KLC3: variants seen among roughly 807,000 people sequenced by gnomAD.
KLC3 encodes kinesin light chain 3.
Under a neutral mutation model 62.9 loss-of-function variants are expected in KLC3, and 72 were observed. That is an observed-to-expected ratio of 1.15 (90% CI 0.95 to 1.39). KLC3 has a LOEUF of 1.39. Ranked by LOEUF, KLC3 falls within the 40% of genes most tolerant of loss-of-function variation. The pLI, the probability that KLC3 is intolerant of heterozygous loss-of-function variation, is 0.00. For missense variants in KLC3, 848 were observed against 691.6 expected (o/e 1.23, Z -2.54); for synonymous variants, 377 against 300.5 (o/e 1.25, Z -2.63).
chr19:45,349,740 C>T (rs1304493555), intron 8 of KLC3, 138 bp downstream of exon 8: 1 of 797,444 alleles, frequency 1.3e-6, no homozygotes, highest in Non-Finnish European at 1.9e-6. Flanking sequence ...AAGTGTCAGA[C>T]ACAGGAGCTG....
At chr19:45,351,223 G>C in intron 12 of KLC3, 63 bp from the exon 13 acceptor site, 2 of 1,591,786 alleles carry the variant, frequency 1.3e-6, no homozygotes, top group Non-Finnish European at 1.7e-6. Context: ...ACCTGGAGCT[G>C]GAGGGTGGAT....
chr19:45,347,884 C>A lies in KLC3; in HGVS notation c.560-57C>A. Reference sequence around the variant, plus strand: ...GTTCTGAGGCACGTGTCCCCTCATGCGAGGCTGGAGGGGCAGGAGGCTTGC... The same window carrying A: ...GTTCTGAGGCACGTGTCCCCTCATGAGAGGCTGGAGGGGCAGGAGGCTTGC... On this transcript the variant is annotated intron_variant, in intron 4 of 12. Coordinates refer to ENST00000391946, the MANE Select transcript of KLC3 (RefSeq NM_177417.3). 2.8e-6 allele frequency: 4 copies of A among 1,426,306 alleles called. No homozygotes were observed. The East Asian group carries it at 7.4e-5, about 26-fold the overall frequency. 88.4% of individuals were successfully genotyped at this position (1,426,306 alleles called of 1,614,324 possible).
At chr19:45,349,665 T>G (rs1286288501) in intron 8 of KLC3, 63 bp downstream of exon 8, 126 of 1,172,426 alleles carry the variant, frequency 1.1e-4, no homozygotes, top group East Asian at 2.5e-5. Context: ...GAGGCACCCA[T>G]TGGTTGGATA....
chr19:45,341,235 A>T (rs891082844), intron 1 of KLC3, among the ~76,000 whole-genome samples: 28 of 146,786 alleles, frequency 1.9e-4, no homozygotes, highest in African/African-American at 3.3e-4. Flanking sequence ...TGTGTAAGAG[A>T]GTGTGTCAGG....
In KLC3 at chr19:45,347,437, GTC is replaced by G. The variant is rs1291773614; in HGVS notation, c.490-6_490-5del. ...CACCACCCCGGCCCCCCACTTTCCTGTCTCTGCAGCAGTCTGAGTCCCCGCCT... is the reference window on the plus strand; with the variant it reads ...CACCACCCCGGCCCCCCACTTTCCTGTCTGCAGCAGTCTGAGTCCCCGCCT... On this transcript the variant is annotated splice_region_variant and splice_polypyrimidine_tract_variant and intron_variant, in intron 3 of 12. Transcript: ENST00000391946. 6.2e-7 allele frequency: 1 copy of G among 1,606,022 alleles called. No individual in the cohort carries two copies. Among genetic ancestry groups the G allele is most frequent in the Non-Finnish European group, 8.5e-7 (1 of 1,176,224 alleles).
chr19:45,350,553 T>G lies in KLC3; in HGVS notation c.1272+2T>G. On this transcript the variant is annotated splice_donor_variant, in intron 10 of 12. Coordinates refer to ENST00000391946, the MANE Select transcript of KLC3 (RefSeq NM_177417.3). LOFTEE classifies it high-confidence loss of function. ...GGCACAGCTGGTGACGCAGAACAGG[T>G]GAGGATGGGCTGTGCTTCGGCTCCT... is the stretch of plus-strand genomic sequence containing the variant. The G allele has an allele frequency of 1.2e-6, 2 of 1,612,792 alleles. No individual in the cohort carries two copies. The highest frequency in any genetic ancestry group is 1.7e-6 in the Non-Finnish European group (2 of 1,179,676).
Position 45,351,518 on chromosome 19 carries a change from G to A in KLC3, c.*161G>A. On this transcript the variant is annotated 3_prime_UTR_variant, in exon 13 of 13. Transcript: ENST00000391946. The stretch of plus-strand genomic sequence containing the variant: ...GATTAAAGGCTGTGGACGTGACAGT[G>A]AGAAATGTCACCTGACTTCATAAGA... 1 of 1,600,662 alleles carries A rather than the reference G, an allele frequency of 6.2e-7. No individual in the cohort carries two copies. The highest frequency in any genetic ancestry group is 8.5e-7 in the Non-Finnish European group (1 of 1,178,080).
chr19:45,343,841 C>T (rs1343357472), intron 1 of KLC3, among the ~76,000 whole-genome samples: 1 of 80,522 alleles, frequency 1.2e-5, no homozygotes, highest in Non-Finnish European at 3.3e-5. Flanking sequence ...TTATGCTGTC[C>T]TTTCTTTCTT....
In KLC3 at chr19:45,350,650, C is replaced by G; in HGVS notation, c.1282C>G (p.Arg428Gly). 6.2e-7 allele frequency: 1 copy of G among 1,613,400 alleles called. No homozygotes were observed. Among genetic ancestry groups the G allele is most frequent in the Non-Finnish European group, 8.5e-7 (1 of 1,179,586 alleles). ...TAGDAEQALR[R>G]SSSLSKIRES... The stretch of plus-strand genomic sequence containing the variant: ...CCCGGCCCCTCCCCAGGCCCTTCGC[C>G]GCAGCAGCTCACTCTCCAAGATCCG... The change falls in exon 11 of 13, where the codon CGC becomes GGC. Residue 428 changes from arginine to glycine, a missense_variant. By Grantham distance (125) the Arg-to-Gly change is moderately radical. Transcript: ENST00000391946.
intron 3 of KLC3, 178 bp from the exon 4 acceptor site, chr19:45,347,269 G>A: frequency 1.8e-6 from 1 of 562,888 alleles, no homozygotes; most frequent in South Asian, 2.2e-5. Flanking sequence ...TTGAACCCAG[G>A]AGGTGGAGGT....
At chr19:45,347,896 G>A (rs769344451) in intron 4 of KLC3, 45 bp from the exon 5 acceptor site, 1 of 1,485,414 alleles carries the variant, frequency 6.7e-7, no homozygotes, top group Non-Finnish European at 9.2e-7. Context: ...AGGCTGGAGG[G>A]GCAGGAGGCT....
chr19:45,351,088 G>A (rs1248180119), intron 12 of KLC3, 71 bp downstream of exon 12: 1 of 1,612,374 alleles, frequency 6.2e-7, no homozygotes, highest in Non-Finnish European at 8.5e-7. Flanking sequence ...CAAAGGCAGG[G>A]CGGTCGGGCC....
Position 45,346,694 on chromosome 19 carries a change from G to T in KLC3, c.409G>T (p.Val137Leu). Reference sequence around the variant, plus strand: ...GCGGCTTCGGGCCAGCGAGGAGTCCGTGGCCCAGCTGGAGGAGGAGAAGCG... The same window carrying T: ...GCGGCTTCGGGCCAGCGAGGAGTCCTTGGCCCAGCTGGAGGAGGAGAAGCG... ...QRRLRASEES[V>L]AQLEEEKRHL... The change falls in exon 3 of 13, where the codon GTG (valine) becomes TTG (leucine). Residue 137 changes from valine to leucine, a missense_variant. Physicochemically the swap from Val to Leu is conservative, Grantham distance 32. Coordinates refer to ENST00000391946, the MANE Select transcript of KLC3 (RefSeq NM_177417.3). 3 of 1,570,048 alleles carry T rather than the reference G, an allele frequency of 1.9e-6. No individual in the cohort carries two copies. The highest frequency in any genetic ancestry group is 1.7e-4 in the Middle Eastern group (1 of 5,900).
intron 7 of KLC3, 130 bp from the exon 8 acceptor site, chr19:45,349,299 G>A: frequency 1.1e-6 from 1 of 924,614 alleles, no homozygotes. Context: ...TGTGTCCCCA[G>A]CCCCCAACCT....
intron 1 of KLC3, among the ~76,000 whole-genome samples, chr19:45,341,978 C>T (rs575501632): frequency 6.3e-4 from 95 of 151,918 alleles, no homozygotes; most frequent in South Asian, 1.7e-3. Context: ...TGGGACTGTG[C>T]CTATGATTAT....
Position 45,348,036 on chromosome 19 carries a change from G to A in KLC3, c.655G>A (p.Gly219Arg), listed in dbSNP as rs1971548584. ...GCATAACCTCGTGATCCAGTACGCGGGGCAGGGCCGCTATGAGGTGGCGGT... is the reference window on the plus strand; with the variant it reads ...GCATAACCTCGTGATCCAGTACGCGAGGCAGGGCCGCTATGAGGTGGCGGT... The part of the protein sequence containing the change: ...TLHNLVIQYA[G>R]QGRYEVAVPL... Residue 219 changes from glycine to arginine, a missense_variant, in exon 5 of 13, where the codon GGG (glycine) becomes AGG (arginine). Gly to Arg is a moderately radical substitution (Grantham distance 125). Coordinates refer to ENST00000391946, the MANE Select transcript of KLC3 (RefSeq NM_177417.3). The A allele has an allele frequency of 6.2e-7, 1 of 1,605,710 alleles. No homozygotes were observed. The highest frequency in any genetic ancestry group is 1.7e-5 in the Admixed American group (1 of 58,780).
intron 12 of KLC3, 40 bp from the exon 13 acceptor site, chr19:45,351,246 C>T (rs776582436): frequency 2.9e-6 from 2 of 690,830 alleles, no homozygotes; most frequent in Admixed American, 2.7e-5. Flanking sequence ...AACACTTGCC[C>T]CTCACCTCCC....
intron 8 of KLC3, 94 bp downstream of exon 8, chr19:45,349,696 TGGGGGGGGGCC>T: frequency 1.5e-6 from 1 of 689,044 alleles, no homozygotes; most frequent in East Asian, 3.1e-5. Context: ...AACGTGAGGG[TGGGGGGGGGCC>T]CCCCAGGCCG....
chr19:45,348,830 C>G lies in KLC3; in HGVS notation c.878C>G (p.Thr293Arg), dbSNP rs754333103. 1 of 1,569,082 alleles carries G rather than the reference C, an allele frequency of 6.4e-7. No individual in the cohort carries two copies. The highest frequency in any genetic ancestry group is 8.6e-7 in the Non-Finnish European group (1 of 1,156,902). ...LGPEHPAVAA[T>R]LNNLAVLYGK... is the part of the protein sequence containing the mutation. ...CCCCCAACCCCGCAGGTGGCCGCCA[C>G]GCTCAACAACTTGGCTGTCCTCTAT... The change falls in exon 7 of 13, where the codon ACG (threonine) becomes AGG (arginine). Residue 293 changes from threonine to arginine, a missense_variant. Coordinates refer to ENST00000391946, the MANE Select transcript of KLC3 (RefSeq NM_177417.3).
Sources: allele counts gnomAD v4.1 joint callset (sites outside exome capture counted in the v4.1 genomes callset), GRCh38; gene constraint gnomAD v4.1.1; transcripts MANE v1.5; gene names NCBI Gene and HGNC (gene_info 2026-07-23, HGNC 2026-07-21).